TWSG1: variants seen among roughly 807,000 people sequenced by gnomAD.
TWSG1 encodes the protein twisted gastrulation BMP signaling modulator 1, also known as twisted gastrulation protein homolog 1.
Under a neutral mutation model 23.0 loss-of-function variants are expected in TWSG1, and 15 were observed. That is an observed-to-expected ratio of 0.65 (90% CI 0.44 to 1.00). The LOEUF (loss-of-function observed/expected upper bound fraction) is 1.00, where lower values mean the gene tolerates loss of function less well. Among genes scored for constraint, TWSG1 ranks in the 50% least tolerant of loss-of-function variants. TWSG1 has a pLI of 0.00. For synonymous variants in TWSG1, 86 were observed against 92.8 expected, an observed-to-expected ratio of 0.93 and a Z score of 0.42; for missense variants, 242 against 278.7, an observed-to-expected ratio of 0.87 and a Z score of 0.94.
chr18:9,381,872 C>A (rs1330353840), intron 3 of TWSG1, among the ~76,000 whole-genome samples: 2 of 152,040 alleles, frequency 1.3e-5, no homozygotes, highest in Non-Finnish European at 2.9e-5. Context: ...ACCCCTGTTA[C>A]TAGCATCCAT....
Position 9,396,390 on chromosome 18 carries a change from A to C in TWSG1, c.334A>C (p.Thr112Pro), listed in dbSNP as rs763516079. Residue 112 changes from threonine to proline, a missense_variant, in exon 4 of 5, where the codon ACT becomes CCT. Transcript: ENST00000262120. Reference sequence around the variant, plus strand: ...CTTCCGGGCACTCACAGAAGGAGATACTCAGTTGAATTGGAACATCGTTTC... The same window carrying C: ...CTTCCGGGCACTCACAGAAGGAGATCCTCAGTTGAATTGGAACATCGTTTC... ...SLFRALTEGDTQLNWNIVSFP... is the reference protein window; with the variant it reads ...SLFRALTEGDPQLNWNIVSFP... The C allele has an allele frequency of 1.2e-6, 2 of 1,614,144 alleles. No homozygotes were observed. Among genetic ancestry groups the C allele is most frequent in the South Asian group, 1.1e-5 (1 of 91,076 alleles).
chr18:9,345,878 G>A (rs1598820995), intron 2 of TWSG1, among the ~76,000 whole-genome samples: 1 of 152,082 alleles, frequency 6.6e-6, no homozygotes, highest in Non-Finnish European at 1.5e-5. Context: ...GAGTATAAAG[G>A]GTTCCCATAT....
chr18:9,356,314 A>T (rs1254667247), intron 2 of TWSG1, among the ~76,000 whole-genome samples: 1 of 152,216 alleles, frequency 6.6e-6, no homozygotes, highest in African/African-American at 2.4e-5. Context: ...TAACCTGGGC[A>T]AGTTCAAGCG....
intron 3 of TWSG1, among the ~76,000 whole-genome samples, chr18:9,375,166 C>CAAAAAAA: frequency 1.1e-5 from 1 of 89,750 alleles, no homozygotes; most frequent in Non-Finnish European, 2.1e-5. Flanking sequence ...TACTCCGTCT[C>CAAAAAAA]AAAAAAAAAA....
At chr18:9,390,126 T>G (rs1275997680) in intron 3 of TWSG1, among the ~76,000 whole-genome samples, 4 of 151,858 alleles carry the variant, frequency 2.6e-5, no homozygotes, top group Admixed American at 2.0e-4. Flanking sequence ...GGCTGGTGGT[T>G]GCTGAAGGCT....
At chr18:9,394,808 GTTT>G (rs573684832) in intron 3 of TWSG1, among the ~76,000 whole-genome samples, 1 of 152,074 alleles carries the variant, frequency 6.6e-6, no homozygotes, top group Admixed American at 6.6e-5. Flanking sequence ...GATCATTCAT[GTTT>G]TTTTGAATCT....
At chr18:9,353,829 T>C (rs2040512651) in intron 2 of TWSG1, among the ~76,000 whole-genome samples, 1 of 152,198 alleles carries the variant, frequency 6.6e-6, no homozygotes, top group Non-Finnish European at 1.5e-5. Flanking sequence ...GCAGAAGATA[T>C]AGTCATTAAC....
chr18:9,340,125 T>C (rs2040439613), intron 2 of TWSG1, among the ~76,000 whole-genome samples: 1 of 151,920 alleles, frequency 6.6e-6, no homozygotes, highest in Non-Finnish European at 1.5e-5. Flanking sequence ...TCCCAGCACT[T>C]CAGAAGGCCG....
At chr18:9,373,770 A>G (rs887784339) in intron 3 of TWSG1, among the ~76,000 whole-genome samples, 1 of 152,252 alleles carries the variant, frequency 6.6e-6, no homozygotes, top group Admixed American at 6.5e-5. Context: ...TCTCAAGCTT[A>G]TGTGAAACAT....
At chr18:9,341,881 A>G (rs867558372) in intron 2 of TWSG1, among the ~76,000 whole-genome samples, 2 of 152,098 alleles carry the variant, frequency 1.3e-5, no homozygotes, top group African/African-American at 4.8e-5. Context: ...AGGGAATTGA[A>G]GAGAGGGTTT....
intron 2 of TWSG1, among the ~76,000 whole-genome samples, chr18:9,357,158 A>G (rs2040530805): frequency 6.6e-6 from 1 of 152,184 alleles, no homozygotes; most frequent in African/African-American, 2.4e-5. Flanking sequence ...TGAAACAGCT[A>G]TACTTCTCAT....
chr18:9,340,792 G>C (rs1324825725), intron 2 of TWSG1, among the ~76,000 whole-genome samples: 1 of 152,224 alleles, frequency 6.6e-6, no homozygotes, highest in Non-Finnish European at 1.5e-5. Context: ...CAATACAGTA[G>C]AATCTAGCCA....
intron 3 of TWSG1, among the ~76,000 whole-genome samples, chr18:9,391,083 A>G (rs1325423132): frequency 1.3e-5 from 2 of 152,222 alleles, no homozygotes; most frequent in Non-Finnish European, 2.9e-5. Context: ...GGTTTACGTA[A>G]CATTCTAAAT....
intron 2 of TWSG1, among the ~76,000 whole-genome samples, chr18:9,344,787 G>T (rs1280997989): frequency 6.6e-6 from 1 of 151,808 alleles, no homozygotes; most frequent in Non-Finnish European, 1.5e-5. Flanking sequence ...TCATTCTGTT[G>T]CCCAGACTGG....
At chr18:9,354,564 A>G (rs973192427) in intron 2 of TWSG1, among the ~76,000 whole-genome samples, 3 of 152,246 alleles carry the variant, frequency 2.0e-5, no homozygotes, top group African/African-American at 7.2e-5. Context: ...AGTAAAATAG[A>G]AACTGATGAA....
intron 3 of TWSG1, among the ~76,000 whole-genome samples, chr18:9,380,648 CT>C (rs1341895687): frequency 2.0e-5 from 3 of 152,160 alleles, no homozygotes; most frequent in Non-Finnish European, 4.4e-5. Context: ...TAGATTTTCT[CT>C]TTGGATTCAG....
At chr18:9,359,803 G>A (rs186440722) in intron 2 of TWSG1, among the ~76,000 whole-genome samples, 169 bp from the exon 3 acceptor site, 22 of 152,204 alleles carry the variant, frequency 1.4e-4, no homozygotes, top group African/African-American at 5.3e-4. Flanking sequence ...AAATCTACGT[G>A]ACATTGTAGA....
intron 2 of TWSG1, among the ~76,000 whole-genome samples, chr18:9,350,203 T>C (rs1468180331): frequency 6.6e-6 from 1 of 152,062 alleles, no homozygotes; most frequent in Non-Finnish European, 1.5e-5. Context: ...TAACACCCCA[T>C]GAAAATCTCT....
chr18:9,338,165 A>G (rs1282818809), intron 2 of TWSG1, among the ~76,000 whole-genome samples: 1 of 152,176 alleles, frequency 6.6e-6, no homozygotes. Flanking sequence ...CTCACTTGAG[A>G]GTAATTGTGT....
Sources: gnomAD v4.1 joint callset for allele counts (sites outside exome capture counted in the v4.1 genomes callset) on GRCh38, gnomAD v4.1.1 for gene constraint, MANE v1.5 for transcripts, NCBI Gene and HGNC (gene_info 2026-07-23, HGNC 2026-07-21) for gene names.